Variants in CDH13 observed in about 807,000 individuals in gnomAD.
The protein encoded by CDH13 is cadherin 13, also known as cadherin-13.
In CDH13, 24 loss-of-function variants were observed where a neutral mutation model predicts 63.8. That is an observed-to-expected ratio of 0.38 (90% CI 0.27 to 0.53). The LOEUF (loss-of-function observed/expected upper bound fraction) is 0.53, where lower values mean the gene tolerates loss of function less well. Ranked by LOEUF, CDH13 falls within the 20% of genes least tolerant of loss-of-function variation. The pLI, the probability that CDH13 is intolerant of heterozygous loss-of-function variation, is 0.85. For missense variants in CDH13, 1,049 were observed against 903.1 expected, an observed-to-expected ratio of 1.16 and a Z score of -2.07; for synonymous variants, 503 against 355.3, an observed-to-expected ratio of 1.42 and a Z score of -4.67.
chr16:82,703,079 C>A (rs894607786), intron 1 of CDH13, among the ~76,000 whole-genome samples: 34 of 152,030 alleles, frequency 2.2e-4, no homozygotes, highest in Admixed American at 2.2e-3. Flanking sequence ...CAGAGGTTAC[C>A]ATTGCTTATA....
chr16:83,221,720 A>C (rs919047030), intron 5 of CDH13, among the ~76,000 whole-genome samples: 16 of 152,236 alleles, frequency 1.1e-4, no homozygotes, highest in African/African-American at 3.6e-4. Flanking sequence ...AGCATGGCCA[A>C]GACCATGGTA....
At chr16:83,263,767 C>T (rs529181679) in intron 5 of CDH13, among the ~76,000 whole-genome samples, 4 of 152,258 alleles carry the variant, frequency 2.6e-5, no homozygotes, top group African/African-American at 9.6e-5. Flanking sequence ...AGGCTGCTGC[C>T]ATGGCCTCAA....
At chr16:83,734,383 C>G (rs1300646580) in intron 10 of CDH13, among the ~76,000 whole-genome samples, 1 of 152,090 alleles carries the variant, frequency 6.6e-6, no homozygotes, top group African/African-American at 2.4e-5. Context: ...AAATCCATCT[C>G]TGAAATGAGG....
chr16:82,961,783 G>T (rs1392879274), intron 2 of CDH13, among the ~76,000 whole-genome samples: 5 of 152,246 alleles, frequency 3.3e-5, no homozygotes, highest in African/African-American at 1.2e-4. Context: ...TTTGGCCTCT[G>T]CAGAGGATAA....
At chr16:83,730,302 C>T (rs923945549) in intron 10 of CDH13, among the ~76,000 whole-genome samples, 9 of 152,176 alleles carry the variant, frequency 5.9e-5, no homozygotes, top group Admixed American at 3.9e-4. Context: ...AGAATTCTTG[C>T]GCAAAGGGGG....
intron 2 of CDH13, among the ~76,000 whole-genome samples, chr16:82,864,675 G>T (rs1156839760): frequency 6.6e-6 from 1 of 152,206 alleles, no homozygotes; most frequent in East Asian, 1.9e-4. Context: ...TACAATTCAA[G>T]ATGAGATCTG....
chr16:83,078,255 T>C (rs1053167201), intron 3 of CDH13, among the ~76,000 whole-genome samples: 2 of 152,178 alleles, frequency 1.3e-5, no homozygotes, highest in East Asian at 1.9e-4. Context: ...TCATGAACTC[T>C]GTTCTCTGTT....
chr16:83,614,307 C>A (rs920685851), intron 8 of CDH13, among the ~76,000 whole-genome samples: 5 of 152,282 alleles, frequency 3.3e-5, no homozygotes, highest in African/African-American at 9.6e-5. Flanking sequence ...CCCTTCTCCT[C>A]GGATGCAGCT....
intron 6 of CDH13, among the ~76,000 whole-genome samples, chr16:83,407,303 C>T (rs1225573601): frequency 6.6e-6 from 1 of 152,224 alleles, no homozygotes; most frequent in Non-Finnish European, 1.5e-5. Flanking sequence ...TTGAAATACA[C>T]ACAGTTGAAA....
At chr16:83,601,559 C>T (rs981601866) in intron 7 of CDH13, among the ~76,000 whole-genome samples, 6 of 152,200 alleles carry the variant, frequency 3.9e-5, no homozygotes, top group African/African-American at 1.4e-4. Context: ...CTCTAAACTT[C>T]AGTGGGGTTT....
At chr16:83,323,172 T>TTTTCTTTC (rs2090271674) in intron 5 of CDH13, among the ~76,000 whole-genome samples, 5 of 62,894 alleles carry the variant, frequency 7.9e-5, no homozygotes, top group Admixed American at 7.3e-4. Context: ...TTTCTCTTTC[T>TTTTCTTTC]TTTTTCTTTC....
At chr16:83,335,982 A>C (rs1002688079) in intron 5 of CDH13, among the ~76,000 whole-genome samples, 1 of 151,974 alleles carries the variant, frequency 6.6e-6, no homozygotes, top group African/African-American at 2.4e-5. Context: ...TTGTCCTGTT[A>C]CAGCCCTACA....
At chr16:83,272,208 G>A (rs1418638548) in intron 5 of CDH13, among the ~76,000 whole-genome samples, 3 of 152,180 alleles carry the variant, frequency 2.0e-5, no homozygotes, top group Admixed American at 6.5e-5. Flanking sequence ...TCTAGTGAGG[G>A]AGATGGATGA....
At chr16:83,794,267 C>T (rs1225810534) in intron 13 of CDH13, among the ~76,000 whole-genome samples, 2 of 152,174 alleles carry the variant, frequency 1.3e-5, no homozygotes, top group African/African-American at 4.8e-5. Context: ...ATGTTTGGGC[C>T]AGGTGCAGTG....
At chr16:82,694,108 A>G (rs1248470150) in intron 1 of CDH13, among the ~76,000 whole-genome samples, 1 of 152,208 alleles carries the variant, frequency 6.6e-6, no homozygotes, top group African/African-American at 2.4e-5. Context: ...CTTAGTAGGT[A>G]CTCAATAATT....
chr16:82,733,856 G>A (rs539123614), intron 1 of CDH13, among the ~76,000 whole-genome samples: 1 of 152,326 alleles, frequency 6.6e-6, no homozygotes, highest in South Asian at 2.1e-4. Context: ...ACTTATTCTT[G>A]CATTCAGCAA....
chr16:82,790,404 C>A (rs2036242855), intron 1 of CDH13, among the ~76,000 whole-genome samples: 1 of 152,086 alleles, frequency 6.6e-6, no homozygotes, highest in Non-Finnish European at 1.5e-5. Context: ...CACTGCACTC[C>A]AGCCTGGGTG....
chr16:83,175,780 C>G (rs903274968), intron 4 of CDH13, among the ~76,000 whole-genome samples: 1 of 145,646 alleles, frequency 6.9e-6, no homozygotes, highest in Non-Finnish European at 1.5e-5. Flanking sequence ...AATATGCTCA[C>G]AAAAATAAGA....
At chr16:83,370,165 A>T (rs1387002144) in intron 6 of CDH13, among the ~76,000 whole-genome samples, 2 of 152,174 alleles carry the variant, frequency 1.3e-5, no homozygotes, top group African/African-American at 4.8e-5. Context: ...AGGCGGACGG[A>T]TCGTGAAGTC....
Sources: allele counts gnomAD v4.1 joint callset (sites outside exome capture counted in the v4.1 genomes callset), GRCh38; gene constraint gnomAD v4.1.1; transcripts MANE v1.5; gene names NCBI Gene and HGNC (gene_info 2026-07-23, HGNC 2026-07-21).